The following MAU2 variants were observed in gnomAD, a reference collection of about 807,000 sequenced individuals.
The protein encoded by MAU2 is MAU2 sister chromatid cohesion factor.
In MAU2, 9 loss-of-function variants were observed where a neutral mutation model predicts 89.1. The observed-to-expected ratio is 0.10, with a 90% confidence interval of 0.06 to 0.18. The LOEUF is 0.18. Ranked by LOEUF, MAU2 falls within the 10% of genes least tolerant of loss-of-function variation. MAU2 has a pLI of 1.00. For synonymous variants in MAU2, 357 were observed against 343.4 expected (o/e 1.04, Z -0.44); for missense variants, 425 against 803.5 (o/e 0.53, Z 5.69).
chr19:19,349,616 C>G (rs562299450), intron 16 of MAU2, among the ~76,000 whole-genome samples, 180 bp downstream of exon 16: 1 of 152,146 alleles, frequency 6.6e-6, no homozygotes, highest in Non-Finnish European at 1.5e-5. Context: ...GAGCTGGGCA[C>G]CCACAGAGGG....
chr19:19,354,281 C>A, intron 16 of MAU2, 74 bp from the exon 17 acceptor site: 1 of 1,189,664 alleles, frequency 8.4e-7, no homozygotes, highest in Non-Finnish European at 1.3e-6. Context: ...CAGATTATCC[C>A]CACCCCAACC....
intron 1 of MAU2, among the ~76,000 whole-genome samples, chr19:19,326,923 C>T (rs2061513819): frequency 6.6e-6 from 1 of 150,622 alleles, no homozygotes; most frequent in Non-Finnish European, 1.5e-5. Context: ...CCATCAGAGT[C>T]AAAGAGGGTA....
chr19:19,345,268 G>A lies in MAU2; in HGVS notation c.1156-36G>A, dbSNP rs774224760. ...GTCTCTGATCTGAGCCCCCTCCCCA[G>A]GGGCCGGCCCTGATGACAACACCAC... On this transcript the variant is annotated intron_variant, in intron 11 of 18. Transcript: ENST00000262815. This position sits in a 1 kb window ranked among gnomAD's most constrained non-coding sequence, Gnocchi z 4.9. The A allele has an allele frequency of 1.3e-6, 2 of 1,599,102 alleles. No individual in the cohort carries two copies. The highest frequency in any genetic ancestry group is 4.5e-5 in the East Asian group (2 of 44,718).
intron 16 of MAU2, chr19:19,352,421 T>TGGGCCCTGCAGCTC (rs2061752919): frequency 6.6e-6 from 1 of 152,186 alleles, no homozygotes; most frequent in Non-Finnish European, 1.5e-5. Context: ...GGCCAGCGAA[T>TGGGCCCTGCAGCTC]GGGCCCTGCA....
At chr19:19,328,723 C>A (rs898882051) in intron 1 of MAU2, among the ~76,000 whole-genome samples, 25 of 152,102 alleles carry the variant, frequency 1.6e-4, no homozygotes, top group Non-Finnish European at 7.4e-5. Context: ...GCCCAGCCAC[C>A]CCTTTAACTT....
At chr19:19,329,092 T>C (rs1015324653) in intron 1 of MAU2, 3 of 456,030 alleles carry the variant, frequency 6.6e-6, no homozygotes, top group Non-Finnish European at 1.3e-5. Context: ...CAGCAAGTGA[T>C]TAAATGCTTC....
chr19:19,325,202 C>G (rs1310732093), intron 1 of MAU2, among the ~76,000 whole-genome samples: 1 of 151,994 alleles, frequency 6.6e-6, no homozygotes, highest in African/African-American at 2.4e-5. Context: ...GAGATGTAGT[C>G]TTGCTCTGTC....
intron 6 of MAU2, 62 bp downstream of exon 6, chr19:19,340,935 A>C (rs1014549294): frequency 5.6e-6 from 9 of 1,603,534 alleles, no homozygotes; most frequent in Admixed American, 1.7e-5. Flanking sequence ...CAGGGCCCCC[A>C]CAGAGTCTGC....
In MAU2 at chr19:19,340,883, G is replaced by T. The variant is rs2061639260; in HGVS notation, c.579+10G>T. Reference sequence around the variant, plus strand: ...CCTCAGCAAGGGGATGGTAAGTTGAGGCTGGGCATGGCTGGATGCAGCTGG... The same window carrying T: ...CCTCAGCAAGGGGATGGTAAGTTGATGCTGGGCATGGCTGGATGCAGCTGG... On this transcript the variant is annotated intron_variant, in intron 6 of 18. Transcript: ENST00000262815. 6.2e-7 allele frequency: 1 copy of T among 1,613,094 alleles called. No individual in the cohort carries two copies.
chr19:19,343,437 T>TG (rs1292689991), intron 9 of MAU2, among the ~76,000 whole-genome samples: 1 of 152,190 alleles, frequency 6.6e-6, no homozygotes, highest in Non-Finnish European at 1.5e-5. Context: ...TGAGGATGGT[T>TG]GCTTGGGGCT....
Position 19,345,023 on chromosome 19 carries a change from T to C in MAU2, c.1155+97T>C. Reference sequence around the variant, plus strand: ...AGAACATTCCCAGTGAAGGACCCCCTGACAGCACCCTAATCAGAATCCGGA... The same window carrying C: ...AGAACATTCCCAGTGAAGGACCCCCCGACAGCACCCTAATCAGAATCCGGA... On this transcript the variant is annotated intron_variant, in intron 11 of 18. Transcript: ENST00000262815. This position sits in a 1 kb window ranked among gnomAD's most constrained non-coding sequence, Gnocchi z 4.9. 9.2e-7 allele frequency: 1 copy of C among 1,091,590 alleles called. No homozygotes were observed. Among genetic ancestry groups the C allele is most frequent in the Admixed American group, 1.9e-5 (1 of 52,580 alleles). 67.6% of individuals were successfully genotyped at this position (1,091,590 alleles called of 1,614,324 possible).
intron 16 of MAU2, among the ~76,000 whole-genome samples, 164 bp downstream of exon 16, chr19:19,349,600 C>T (rs1413920814): frequency 1.3e-5 from 2 of 152,158 alleles, no homozygotes; most frequent in Admixed American, 1.3e-4. Context: ...GCAGGCAGGG[C>T]CAGAGGAGCT....
chr19:19,340,730 C>G lies in MAU2; in HGVS notation c.552-116C>G, dbSNP rs567467843. ...TTGTAAGGGGACTGTTCTCTGTTGT[C>G]CACTGAACTGTCCCCTGAGGTGGCA... is the stretch of plus-strand genomic sequence containing the variant. On this transcript the variant is annotated intron_variant, in intron 5 of 18. Coordinates refer to ENST00000262815, the MANE Select transcript of MAU2 (RefSeq NM_015329.4). The G allele has an allele frequency of 5.7e-5, 51 of 899,476 alleles. No individual in the cohort carries two copies. In the African/African-American group the frequency reaches 8.3e-4, roughly 15 times the overall value. 55.7% of individuals were successfully genotyped at this position (899,476 alleles called of 1,614,324 possible).
chr19:19,332,383 A>T (rs1212917113), intron 1 of MAU2, among the ~76,000 whole-genome samples: 1 of 133,162 alleles, frequency 7.5e-6, no homozygotes, highest in East Asian at 2.2e-4. Flanking sequence ...TGTGTTGCCC[A>T]GGCCGGTCAC....
In MAU2 at chr19:19,342,773, T is replaced by C. The variant is rs367564587; in HGVS notation, c.883-3T>C. ...AACCCCTGCTGTCTGGTCTTGTCGC[T>C]AGGTGACTGTGATGCACTCCATGCA... On this transcript the variant is annotated splice_polypyrimidine_tract_variant and splice_region_variant and intron_variant, in intron 8 of 18. Transcript: ENST00000262815. The C allele has an allele frequency of 8.3e-5, 134 of 1,613,998 alleles. No individual in the cohort carries two copies. In the African/African-American group the frequency reaches 1.7e-3, roughly 20 times the overall value.
intron 1 of MAU2, chr19:19,334,265 G>A (rs2061578929): frequency 3.0e-6 from 3 of 985,490 alleles, no homozygotes; most frequent in South Asian, 4.7e-5. Flanking sequence ...CCTCCTGTCC[G>A]TGCCACAAGA....
chr19:19,348,394 G>A (rs2061712874), intron 13 of MAU2: 1 of 205,262 alleles, frequency 4.9e-6, no homozygotes, highest in Non-Finnish European at 1.0e-5. Flanking sequence ...CCCCGGCTTA[G>A]TCATCCGATG....
Position 19,338,951 on chromosome 19 carries a change from C to G in MAU2, c.551+12C>G. 2 of 1,605,014 alleles carry G rather than the reference C, an allele frequency of 1.2e-6. No individual in the cohort carries two copies. Among genetic ancestry groups the G allele is most frequent in the Non-Finnish European group, 1.7e-6 (2 of 1,175,278 alleles). On this transcript the variant is annotated intron_variant, in intron 5 of 18. Coordinates refer to ENST00000262815, the MANE Select transcript of MAU2 (RefSeq NM_015329.4). The stretch of plus-strand genomic sequence containing the variant: ...TCTGAATACACACGGTAGGCACCCA[C>G]TCCCCTCCTTCCCTCCTGCTCTGTT...
rs1599905480 is a variant in MAU2 at position 19,337,805 on chromosome 19, C to T, written c.456+540C>T. ...TCCTGGGATCCACACAGTTCCTCCT[C>T]ATGCTCCCTTTGGCCCCCCCAGATA... On this transcript the variant is annotated intron_variant, in intron 4 of 18. Transcript: ENST00000262815. Among the ~76,000 whole-genome samples, 4 of 152,356 alleles carry T rather than the reference C, an allele frequency of 2.6e-5. No homozygotes were observed. In the South Asian group the frequency reaches 8.3e-4, roughly 32 times the overall value.
Sources: allele counts gnomAD v4.1 joint callset (sites outside exome capture counted in the v4.1 genomes callset), GRCh38; gene constraint gnomAD v4.1.1; non-coding constraint Gnocchi (gnomAD v3.1); transcripts MANE v1.5; gene names NCBI Gene and HGNC (gene_info 2026-07-23, HGNC 2026-07-21).